NPSR1: variants seen among roughly 807,000 people sequenced by gnomAD.
The protein encoded by NPSR1 is neuropeptide S receptor.
Under a neutral mutation model 46.9 loss-of-function variants are expected in NPSR1, and 48 were observed. The observed-to-expected ratio is 1.02, with a 90% CI of 0.81 to 1.30. The LOEUF (loss-of-function observed/expected upper bound fraction) is 1.30, where lower values mean the gene tolerates loss of function less well. NPSR1 is among the 50% of genes most tolerant of loss of function. The probability of loss-of-function intolerance (pLI) is 0.00; values close to 1 mark genes in which losing one functional copy is unlikely to be tolerated. For synonymous variants in NPSR1, 176 were observed against 168.1 expected, an observed-to-expected ratio of 1.05 and a Z score of -0.36; for missense variants, 450 against 449.5, an observed-to-expected ratio of 1.00 and a Z score of -0.01.
intron 2 of NPSR1, among the ~76,000 whole-genome samples, chr7:34,706,367 GT>G: frequency 1.8e-5 from 1 of 54,316 alleles, no homozygotes; most frequent in South Asian, 3.5e-4. Flanking sequence ...AACTCTAACT[GT>G]CTGTCTATAT....
chr7:34,714,775 G>A (rs1033522366), intron 2 of NPSR1, among the ~76,000 whole-genome samples: 4 of 152,192 alleles, frequency 2.6e-5, no homozygotes, highest in Non-Finnish European at 2.9e-5. Flanking sequence ...GTGGGTAGGT[G>A]GGCTGCCCCA....
At chr7:34,841,798 C>T (rs1220334661) in intron 6 of NPSR1, among the ~76,000 whole-genome samples, 4 of 152,130 alleles carry the variant, frequency 2.6e-5, no homozygotes, top group Non-Finnish European at 5.9e-5. Flanking sequence ...ATGTCATTCT[C>T]GAAAACTTTT....
intron 1 of NPSR1, among the ~76,000 whole-genome samples, chr7:34,678,041 A>T (rs533367188): frequency 6.6e-6 from 1 of 152,190 alleles, no homozygotes; most frequent in African/African-American, 2.4e-5. Flanking sequence ...GGAGACGTGG[A>T]TTTCTGATCT....
chr7:34,721,150 ATC>A (rs1311321825), intron 2 of NPSR1, among the ~76,000 whole-genome samples: 5 of 152,236 alleles, frequency 3.3e-5, no homozygotes, highest in Admixed American at 6.5e-5. Context: ...AACAAGAATG[ATC>A]AAGGAGCAAT....
In NPSR1 at chr7:34,821,689, G is replaced by A. The variant is rs143318359; in HGVS notation, c.479-5712G>A. Among the ~76,000 whole-genome samples the A allele has an allele frequency of 3.5e-3, 527 of 152,250 alleles. 6 individuals carry two copies. The highest frequency in any genetic ancestry group is 0.012 in the African/African-American group (484 of 41,556). On this transcript the variant is annotated intron_variant, in intron 4 of 8. Transcript: ENST00000360581. ...AGGTTAAAAAATTAGCTGTTTGCTC[G>A]TGGAAAATATGTCTAGTTCTGGGAG...
chr7:34,677,747 C>T (rs1026108378), intron 1 of NPSR1, among the ~76,000 whole-genome samples: 2 of 152,208 alleles, frequency 1.3e-5, no homozygotes, highest in Non-Finnish European at 2.9e-5. Flanking sequence ...TTCCACTCCT[C>T]AGAGTCCATC....
At chr7:34,737,057 T>C (rs1002267151) in intron 2 of NPSR1, among the ~76,000 whole-genome samples, 2 of 152,040 alleles carry the variant, frequency 1.3e-5, no homozygotes, top group Admixed American at 6.6e-5. Flanking sequence ...CAGATGACTT[T>C]GTTTCTACTC....
chr7:34,860,889 G>A (rs1014937527), intron 8 of NPSR1, among the ~76,000 whole-genome samples: 7 of 151,942 alleles, frequency 4.6e-5, no homozygotes, highest in African/African-American at 9.7e-5. Flanking sequence ...CTTTGGAGAC[G>A]GAAGACTGAT....
chr7:34,768,279 C>G (rs534191063), intron 2 of NPSR1: 1 of 152,080 alleles, frequency 6.6e-6, no homozygotes, highest in South Asian at 2.1e-4. Context: ...AGCAAAAATA[C>G]CTGTTTAAAA....
intron 2 of NPSR1, among the ~76,000 whole-genome samples, chr7:34,693,776 C>T (rs569354346): frequency 6.6e-6 from 1 of 152,274 alleles, no homozygotes; most frequent in South Asian, 2.1e-4. Flanking sequence ...CCAAATCCAA[C>T]AGCATGTTAA....
At chr7:34,713,772 C>T (rs945975517) in intron 2 of NPSR1, among the ~76,000 whole-genome samples, 2 of 152,250 alleles carry the variant, frequency 1.3e-5, no homozygotes, top group Non-Finnish European at 2.9e-5. Context: ...AACTAACCAT[C>T]TGACCTAGGC....
chr7:34,679,351 A>G (rs897402791), intron 1 of NPSR1, among the ~76,000 whole-genome samples: 12 of 152,204 alleles, frequency 7.9e-5, no homozygotes, highest in African/African-American at 2.9e-4. Context: ...TAGCAAATGA[A>G]ACAACATAGT....
rs891110006 is a variant in NPSR1, at chr7:34,684,743, G to A, written c.280+59G>A. 45 of 1,354,116 alleles carry A rather than the reference G, an allele frequency of 3.3e-5. No homozygotes were observed. The African/African-American group carries it at 5.4e-4, about 16-fold the overall frequency. 83.9% of individuals were successfully genotyped at this position (1,354,116 alleles called of 1,614,324 possible). ...ATATGTGAAGTCCCTATGGCTTCCT[G>A]CTTTTAATGAATTTTATCAAAAAAA... On this transcript the variant is annotated intron_variant, in intron 2 of 8. Transcript: ENST00000360581.
At chr7:34,790,280 A>G (rs932551962) in intron 3 of NPSR1, among the ~76,000 whole-genome samples, 2 of 152,168 alleles carry the variant, frequency 1.3e-5, no homozygotes, top group Non-Finnish European at 2.9e-5. Flanking sequence ...GCATATGATC[A>G]TCTTAATAGA....
chr7:34,764,022 T>C (rs1786307248), intron 2 of NPSR1, among the ~76,000 whole-genome samples: 1 of 152,214 alleles, frequency 6.6e-6, no homozygotes, highest in Non-Finnish European at 1.5e-5. Context: ...TTAGATTGCT[T>C]TGCTGGTATG....
At chr7:34,762,814 A>T (rs1457139298) in intron 2 of NPSR1, among the ~76,000 whole-genome samples, 3 of 152,174 alleles carry the variant, frequency 2.0e-5, no homozygotes, top group African/African-American at 7.2e-5. Context: ...TCTTCATAAA[A>T]ATTGTGTTTA....
In NPSR1 at chr7:34,834,368, T is replaced by G; in HGVS notation, c.681-16T>G. 6.2e-7 allele frequency: 1 copy of G among 1,607,438 alleles called. No individual in the cohort carries two copies. The highest frequency in any genetic ancestry group is 8.5e-7 in the Non-Finnish European group (1 of 1,174,030). ...TCCACCAGTCACTTTAATACTACCT[T>G]TGGTTCTTTCTGCAGCATCATGTAT... On this transcript the variant is annotated splice_polypyrimidine_tract_variant and intron_variant, in intron 5 of 8. Transcript: ENST00000360581.
At chr7:34,862,790 C>A (rs1791219868) in intron 8 of NPSR1, among the ~76,000 whole-genome samples, 1 of 151,786 alleles carries the variant, frequency 6.6e-6, no homozygotes, top group Admixed American at 6.6e-5. Flanking sequence ...GCACCCAAGA[C>A]AGTCCAGGTT....
chr7:34,797,733 T>C (rs1394301631), intron 3 of NPSR1, among the ~76,000 whole-genome samples: 2 of 152,286 alleles, frequency 1.3e-5, no homozygotes, highest in African/African-American at 4.8e-5. Flanking sequence ...AGGCATATCA[T>C]ATTCAAACTG....
Sources: allele counts gnomAD v4.1 joint callset (sites outside exome capture counted in the v4.1 genomes callset), GRCh38; gene constraint gnomAD v4.1.1; transcripts MANE v1.5; gene names NCBI Gene and HGNC (gene_info 2026-07-23, HGNC 2026-07-21).